Variants in TRAPPC8 observed in about 807,000 individuals in gnomAD.
The protein encoded by TRAPPC8 is trafficking protein particle complex subunit 8, also known as general sporulation gene 1 homolog.
TRAPPC8 carries 54 observed loss-of-function variants against 174.3 expected under a neutral mutation model. The ratio of observed to expected loss-of-function variants is 0.31; its 90% CI spans 0.25 to 0.39. The LOEUF (loss-of-function observed/expected upper bound fraction) is 0.39. Ranked by LOEUF, TRAPPC8 falls within the 10% of genes least tolerant of loss-of-function variation. The pLI, the probability that TRAPPC8 is intolerant of heterozygous loss-of-function variation, is 1.00. For synonymous variants in TRAPPC8, 630 were observed against 579.9 expected (o/e 1.09, Z -1.24); for missense variants, 1,531 against 1,699.1 (o/e 0.90, Z 1.74).
chr18:31,908,459 T>C, intron 7 of TRAPPC8, 41 bp from the exon 8 acceptor site: 1 of 1,353,254 alleles, frequency 7.4e-7, no homozygotes, highest in Non-Finnish European at 1.0e-6. Context: ...ACAAAGAATT[T>C]AGTATTTTTC....
chr18:31,931,812 T>C (rs1018864787), intron 1 of TRAPPC8, among the ~76,000 whole-genome samples: 3 of 152,224 alleles, frequency 2.0e-5, no homozygotes, highest in African/African-American at 7.2e-5. Flanking sequence ...AACCAACTAC[T>C]ATCCATACCA....
At chr18:31,907,839 T>A (rs2036731725) in intron 8 of TRAPPC8, among the ~76,000 whole-genome samples, 1 of 152,198 alleles carries the variant, frequency 6.6e-6, no homozygotes, top group Non-Finnish European at 1.5e-5. Context: ...AGGCAAACAT[T>A]TTCTCCATGG....
chr18:31,846,494 G>A (rs749577870), intron 26 of TRAPPC8, among the ~76,000 whole-genome samples: 15 of 152,198 alleles, frequency 9.9e-5, no homozygotes, highest in Non-Finnish European at 2.2e-4. Context: ...AGGATCACCT[G>A]AGCCCGGGGA....
chr18:31,942,183 C>T (rs934972914), intron 1 of TRAPPC8, among the ~76,000 whole-genome samples: 1 of 152,178 alleles, frequency 6.6e-6, no homozygotes, highest in Non-Finnish European at 1.5e-5. Flanking sequence ...CTTTCAAAGT[C>T]CAGTTTAACA....
At chr18:31,901,600 G>C (rs1222840291) in intron 9 of TRAPPC8, among the ~76,000 whole-genome samples, 2 of 152,188 alleles carry the variant, frequency 1.3e-5, no homozygotes, top group Non-Finnish European at 2.9e-5. Flanking sequence ...ATAAGATTTA[G>C]CAGTTAAACT....
intron 12 of TRAPPC8, among the ~76,000 whole-genome samples, chr18:31,879,930 T>C (rs181387308): frequency 3.3e-5 from 5 of 149,548 alleles, no homozygotes; most frequent in Admixed American, 1.3e-4. Flanking sequence ...AACTCAAATC[T>C]TGAATAGGTC....
intron 11 of TRAPPC8, chr18:31,896,180 TAC>T: frequency 6.6e-6 from 1 of 152,234 alleles, no homozygotes; most frequent in East Asian, 1.9e-4. Context: ...CTATCTGAAG[TAC>T]ACAACTGGTA....
intron 21 of TRAPPC8, among the ~76,000 whole-genome samples, chr18:31,854,965 CAAAAAA>C (rs71175798): frequency 8.8e-5 from 4 of 45,658 alleles, no homozygotes; most frequent in African/African-American, 3.8e-4. Context: ...GACTCCATCT[CAAAAAA>C]AAAAAAAAAA....
At chr18:31,892,853 C>T (rs1457868679) in intron 11 of TRAPPC8, among the ~76,000 whole-genome samples, 1 of 150,234 alleles carries the variant, frequency 6.7e-6, no homozygotes, top group Non-Finnish European at 1.5e-5. Context: ...AAAGAGACCC[C>T]TGTCTCTACA....
In TRAPPC8 at chr18:31,845,360, AAT is replaced by A. The variant is rs2033343140; in HGVS notation, c.3837+1354_3837+1355del. Among the ~76,000 whole-genome samples, 3 of 152,134 alleles carry A rather than the reference AAT, an allele frequency of 2.0e-5. No homozygotes were observed. The South Asian group carries it at 6.2e-4, about 31-fold the overall frequency. On this transcript the variant is annotated intron_variant, in intron 26 of 28. Transcript: ENST00000283351. ...ACTGGATCCTGGATAGAAAAGAGCAAATAGTTACATGGATGGAATTAAAACCT... is the reference window on the plus strand; with the variant it reads ...ACTGGATCCTGGATAGAAAAGAGCAAAGTTACATGGATGGAATTAAAACCT...
intron 8 of TRAPPC8, 100 bp downstream of exon 8, chr18:31,908,203 T>G: frequency 1.6e-6 from 1 of 607,096 alleles, no homozygotes; most frequent in African/African-American, 1.9e-5. Context: ...AATAAGAAAC[T>G]AAGAAATTAA....
rs141509308 is a variant in TRAPPC8, at chr18:31,878,172, T to TC, written c.1729-3469dup. On this transcript the variant is annotated intron_variant, in intron 12 of 28. Coordinates refer to ENST00000283351, the MANE Select transcript of TRAPPC8 (RefSeq NM_014939.5). The stretch of plus-strand genomic sequence containing the variant: ...TACATGAACTGATGGTTGTGAGCCC[T>TC]CTGACCGGGGCGTGATAAGGAAGCT... Among the ~76,000 whole-genome samples, 1,100 of 152,194 alleles carry TC rather than the reference T, an allele frequency of 7.2e-3. 15 individuals carry two copies. The highest frequency in any genetic ancestry group is 0.025 in the African/African-American group (1,055 of 41,498).
chr18:31,933,914 T>C (rs2037966053), intron 1 of TRAPPC8, among the ~76,000 whole-genome samples: 1 of 152,116 alleles, frequency 6.6e-6, no homozygotes, highest in Non-Finnish European at 1.5e-5. Context: ...CAGCCGGGCA[T>C]GGTGTCTCAC....
chr18:31,917,794 C>G, intron 2 of TRAPPC8, 127 bp from the exon 3 acceptor site: 1 of 752,370 alleles, frequency 1.3e-6, no homozygotes, highest in Non-Finnish European at 2.2e-6. Context: ...AAGCATTTTT[C>G]ACCTGTGCTT....
At chr18:31,936,468 A>T (rs1464421900) in intron 1 of TRAPPC8, among the ~76,000 whole-genome samples, 2 of 152,086 alleles carry the variant, frequency 1.3e-5, no homozygotes, top group African/African-American at 4.8e-5. Context: ...TGTCTCGAAA[A>T]ATTAATAAAA....
chr18:31,920,579 T>A (rs1288049881), intron 2 of TRAPPC8, among the ~76,000 whole-genome samples: 1 of 150,418 alleles, frequency 6.6e-6, no homozygotes, highest in Non-Finnish European at 1.5e-5. Flanking sequence ...GGCAGGCAGA[T>A]CGATTGAGCT....
intron 2 of TRAPPC8, among the ~76,000 whole-genome samples, chr18:31,919,587 AATAAAAT>A (rs754617481): frequency 0.11 from 8,799 of 81,836 alleles, 489 homozygotes; most frequent in Admixed American, 0.2. Context: ...TAAATAAATA[AATAAAAT>A]AATAATAATC....
intron 2 of TRAPPC8, among the ~76,000 whole-genome samples, chr18:31,923,078 T>C (rs1239969395): frequency 6.6e-6 from 1 of 152,214 alleles, no homozygotes; most frequent in African/African-American, 2.4e-5. Context: ...AAGGGTAATA[T>C]GGTCTTCCTT....
chr18:31,835,193 T>G (rs2032638501), intron 27 of TRAPPC8, among the ~76,000 whole-genome samples: 1 of 152,150 alleles, frequency 6.6e-6, no homozygotes, highest in Admixed American at 6.5e-5. Context: ...TCTGAAATAT[T>G]TGAGGTAAAG....
Sources: allele counts gnomAD v4.1 joint callset (sites outside exome capture counted in the v4.1 genomes callset), GRCh38; gene constraint gnomAD v4.1.1; transcripts MANE v1.5; gene names NCBI Gene and HGNC (gene_info 2026-07-23, HGNC 2026-07-21).